The following MGRN1 variants were observed in gnomAD, a reference collection of about 807,000 sequenced individuals.
MGRN1 encodes E3 ubiquitin-protein ligase MGRN1.
Under a neutral mutation model 69.2 loss-of-function variants are expected in MGRN1, and 29 were observed. The ratio of observed to expected loss-of-function variants is 0.42; its 90% CI spans 0.31 to 0.57. MGRN1 has a LOEUF of 0.57. Among genes scored for constraint, MGRN1 ranks in the 20% least tolerant of loss-of-function variants. The pLI is 0.15. For missense variants in MGRN1, 998 were observed against 796.2 expected (o/e 1.25, Z -3.05); for synonymous variants, 470 against 344.2 (o/e 1.37, Z -4.04).
intron 8 of MGRN1, chr16:4,669,093 C>T (rs908971581): frequency 6.6e-6 from 1 of 152,332 alleles, no homozygotes; most frequent in Admixed American, 6.6e-5. Context: ...CTTCAGTAGT[C>T]TTCATGCACT....
intron 16 of MGRN1, among the ~76,000 whole-genome samples, chr16:4,685,269 G>A (rs1452655386): frequency 6.6e-6 from 1 of 152,248 alleles, no homozygotes; most frequent in Non-Finnish European, 1.5e-5. Context: ...CATGATATCT[G>A]ATCCTGCAGG....
chr16:4,625,466 C>T (rs927605556), intron 1 of MGRN1, among the ~76,000 whole-genome samples: 6 of 152,208 alleles, frequency 3.9e-5, no homozygotes, highest in African/African-American at 1.4e-4. Flanking sequence ...TCTTTAGTGG[C>T]TTGGTGTGAA....
intron 1 of MGRN1, among the ~76,000 whole-genome samples, chr16:4,647,319 G>A (rs2078295404): frequency 6.6e-6 from 1 of 152,224 alleles, no homozygotes. Flanking sequence ...GAGGCACGGG[G>A]TGCCTTGTGG....
chr16:4,631,981 C>G (rs1489168169), intron 1 of MGRN1, among the ~76,000 whole-genome samples: 1 of 146,716 alleles, frequency 6.8e-6, no homozygotes, highest in African/African-American at 2.6e-5. Context: ...TATTGCCTTC[C>G]CAATCTAGTA....
chr16:4,653,941 G>A (rs1389019848), intron 4 of MGRN1, among the ~76,000 whole-genome samples: 6 of 152,074 alleles, frequency 3.9e-5, no homozygotes, highest in Admixed American at 2.0e-4. Flanking sequence ...TAGTAGAGAC[G>A]GGGTTTCATC....
intron 15 of MGRN1, among the ~76,000 whole-genome samples, chr16:4,683,552 T>C (rs1445482043): frequency 9.0e-6 from 1 of 110,520 alleles, no homozygotes; most frequent in Non-Finnish European, 2.1e-5. Context: ...AATGTTTCTA[T>C]GACCAAAAAA....
intron 16 of MGRN1, chr16:4,688,214 C>T: frequency 5.1e-6 from 5 of 985,602 alleles, no homozygotes; most frequent in Non-Finnish European, 6.0e-6. Flanking sequence ...TCTGCACCAG[C>T]ACCATTGCCC....
chr16:4,683,779 C>G (rs2079243868), intron 15 of MGRN1, 64 bp from the exon 16 acceptor site: 3 of 1,468,200 alleles, frequency 2.0e-6, no homozygotes, highest in East Asian at 4.7e-5. Flanking sequence ...GGCCTCCTGC[C>G]CAGAGGGACC....
intron 12 of MGRN1, chr16:4,680,389 GACGTTGCAGGCGGAACTA>G (rs2079153749): frequency 4.9e-6 from 2 of 404,766 alleles, no homozygotes; most frequent in Non-Finnish European, 9.0e-6. Flanking sequence ...CAGTGGAATG[GACGTTGCAGGCGGAACTA>G]ACGTCGCTGC....
chr16:4,688,545 C>T (rs531523974), intron 16 of MGRN1: 17 of 1,264,936 alleles, frequency 1.3e-5, no homozygotes, highest in Non-Finnish European at 1.7e-5. Flanking sequence ...TGACTCGGGG[C>T]TGCAGATCTG....
intron 1 of MGRN1, among the ~76,000 whole-genome samples, chr16:4,635,444 A>T (rs1277367976): frequency 1.7e-4 from 26 of 152,108 alleles, no homozygotes; most frequent in Non-Finnish European, 2.9e-5. Flanking sequence ...CAAATAAAAA[A>T]TAATAAATTG....
rs868569680 is a variant in MGRN1, at chr16:4,652,773, C to T, written c.392C>T (p.Ala131Val). 1.2e-6 allele frequency: 2 copies of T among 1,611,776 alleles called. No homozygotes were observed. The highest frequency in any genetic ancestry group is 1.7e-6 in the Non-Finnish European group (2 of 1,179,054). Residue 131 changes from alanine (A) to valine (V), a missense_variant, in exon 4 of 17, where the codon GCC becomes GTC. By Grantham distance (64) the Ala-to-Val change is moderately conservative. Coordinates refer to ENST00000262370, the MANE Select transcript of MGRN1 (RefSeq NM_015246.4). ...ACCTTCGACGCCGATGCCCGCGTGG[C>T]CATCACCATCTACTGCCAGGCATCG... ...EFTFDADARV[A>V]ITIYCQASEE...
At chr16:4,668,372 C>T in intron 8 of MGRN1, 60 bp downstream of exon 8, 2 of 1,561,768 alleles carry the variant, frequency 1.3e-6, no homozygotes, top group Non-Finnish European at 8.8e-7. Flanking sequence ...TACAATCACT[C>T]ACACGCATAC....
intron 12 of MGRN1, chr16:4,681,349 T>G: frequency 3.0e-5 from 17 of 563,282 alleles, no homozygotes; most frequent in Non-Finnish European, 3.4e-5. Flanking sequence ...AGCGTGGGCA[T>G]TTGGGCATCC....
rs768406687 is a variant in MGRN1, at chr16:4,677,515, G to C, written c.1008G>C (p.Leu336=). ...IRAVRKKPGA[L]SPVSFSPVLA... The stretch of plus-strand genomic sequence containing the variant: ...CGGTGCGGAAGAAGCCAGGAGCCCT[G>C]TCCCCCGTGTCCTTCAGCCCCGTCC... The change falls in exon 11 of 17, where the codon CTG becomes CTC. Residue 336 remains leucine (L), a synonymous_variant. Coordinates refer to ENST00000262370, the MANE Select transcript of MGRN1 (RefSeq NM_015246.4). 1 of 1,596,162 alleles carries C rather than the reference G, an allele frequency of 6.3e-7. No individual in the cohort carries two copies. The highest frequency in any genetic ancestry group is 1.1e-5 in the South Asian group (1 of 90,816).
At chr16:4,679,416 G>A (rs1171964690) in intron 11 of MGRN1, among the ~76,000 whole-genome samples, 2 of 152,166 alleles carry the variant, frequency 1.3e-5, no homozygotes, top group Non-Finnish European at 2.9e-5. Flanking sequence ...CCAGGGAGCC[G>A]CCGTCCTCTC....
intron 1 of MGRN1, among the ~76,000 whole-genome samples, chr16:4,646,340 G>C (rs1278461615): frequency 6.6e-6 from 1 of 152,076 alleles, no homozygotes; most frequent in Non-Finnish European, 1.5e-5. Flanking sequence ...GAGGCAGGAG[G>C]ATTGTTTGAG....
intron 12 of MGRN1, chr16:4,681,262 A>G (rs575310538): frequency 3.1e-5 from 14 of 451,722 alleles, no homozygotes; most frequent in African/African-American, 2.0e-4. Flanking sequence ...CGGGACTGAA[A>G]GCCAGGGAGG....
chr16:4,640,963 T>G (rs1259696389), intron 1 of MGRN1, among the ~76,000 whole-genome samples: 1 of 152,208 alleles, frequency 6.6e-6, no homozygotes, highest in Non-Finnish European at 1.5e-5. Flanking sequence ...CCCTCTTTCC[T>G]TGGGGCCAGC....
Sources: allele counts gnomAD v4.1 joint callset (sites outside exome capture counted in the v4.1 genomes callset), GRCh38; gene constraint gnomAD v4.1.1; transcripts MANE v1.5; gene names NCBI Gene and HGNC (gene_info 2026-07-23, HGNC 2026-07-21).